Variants in SCAND3 observed in about 807,000 individuals in gnomAD.
SCAND3 encodes the protein SCAN domain containing 3, also known as SCAN domain-containing protein 3.
At chr6:28,598,110 C>G in the SCAND3 span, 1 of 152,154 alleles carries the variant, frequency 6.6e-6, no homozygotes, top group Non-Finnish European at 1.5e-5. Context: ...CTTACAGGGT[C>G]GGGTGGGGCA....
chr6:28,575,811 T>C, the SCAND3 span: 1 of 1,613,988 alleles, frequency 6.2e-7, no homozygotes, highest in East Asian at 2.2e-5. The surrounding 1 kb of genome is among the most constrained non-coding windows in gnomAD (Gnocchi z 4.2). Context: ...AGTAATACCG[T>C]ATTTTATCTG....
the SCAND3 span, chr6:28,571,800 T>G: frequency 4.3e-6 from 6 of 1,379,630 alleles, no homozygotes; most frequent in Non-Finnish European, 5.7e-6. Flanking sequence ...CTTCTCATAC[T>G]TCCATAACTG....
At chr6:28,598,888 AAAAAAAGAAAAAAG>A in the SCAND3 span, among the ~76,000 whole-genome samples, 1 of 149,190 alleles carries the variant, frequency 6.7e-6, no homozygotes, top group African/African-American at 2.4e-5. Context: ...AAAAAAAAAA[AAAAAAAGAAAAAAG>A]AAAAAAAGTA....
At chr6:28,579,958 C>T in the SCAND3 span, among the ~76,000 whole-genome samples, 1 of 152,170 alleles carries the variant, frequency 6.6e-6, no homozygotes, top group Non-Finnish European at 1.5e-5. This position sits in a 1 kb window ranked among gnomAD's most constrained non-coding sequence, Gnocchi z 4.5. Flanking sequence ...TTAATGGTTA[C>T]ACTTACGCTA....
At chr6:28,606,386 G>A in the SCAND3 span, among the ~76,000 whole-genome samples, 2 of 152,068 alleles carry the variant, frequency 1.3e-5, no homozygotes, top group African/African-American at 4.8e-5. Flanking sequence ...TAAAATATGA[G>A]AAGCTTCCCC....
At chr6:28,579,492 C>T in the SCAND3 span, 12 of 1,314,010 alleles carry the variant, frequency 9.1e-6, no homozygotes, top group Admixed American at 1.5e-4. The surrounding 1 kb of genome is among the most constrained non-coding windows in gnomAD (Gnocchi z 4.5). Context: ...TTGTATTCTT[C>T]CACTAAAATA....
chr6:28,595,873 G>A, the SCAND3 span, among the ~76,000 whole-genome samples: 10 of 152,184 alleles, frequency 6.6e-5, no homozygotes, highest in South Asian at 2.1e-4. Context: ...CCACTGCCCC[G>A]CCACTGAGGT....
the SCAND3 span, chr6:28,589,879 T>C: frequency 6.8e-6 from 1 of 147,142 alleles, no homozygotes; most frequent in Non-Finnish European, 1.5e-5. Flanking sequence ...TTTTTCGCTG[T>C]GGACCTTGCG....
chr6:28,577,971 T>A, the SCAND3 span, among the ~76,000 whole-genome samples: 3 of 152,104 alleles, frequency 2.0e-5, no homozygotes, highest in Non-Finnish European at 2.9e-5. Flanking sequence ...TCCCTTCTTT[T>A]AAAAAAACTT....
At chr6:28,607,145 T>C in the SCAND3 span, among the ~76,000 whole-genome samples, 10 of 152,336 alleles carry the variant, frequency 6.6e-5, no homozygotes, top group Middle Eastern at 3.4e-3. Flanking sequence ...CAAAGCAACC[T>C]GTCTGTGGTT....
At chr6:28,588,455 A>G in the SCAND3 span, among the ~76,000 whole-genome samples, 1 of 152,214 alleles carries the variant, frequency 6.6e-6, no homozygotes, top group East Asian at 1.9e-4. The surrounding 1 kb of genome is among the most constrained non-coding windows in gnomAD (Gnocchi z 4.1). Context: ...GTTAATTACT[A>G]CAACAGTGAT....
At chr6:28,573,573 TTTCATTGC>T in the SCAND3 span, 1 of 1,613,304 alleles carries the variant, frequency 6.2e-7, no homozygotes, top group Non-Finnish European at 8.5e-7. Flanking sequence ...GTTTTGATGG[TTTCATTGC>T]TTCATTAGCC....
the SCAND3 span, among the ~76,000 whole-genome samples, chr6:28,577,815 C>T: frequency 6.6e-6 from 1 of 152,146 alleles, no homozygotes; most frequent in African/African-American, 2.4e-5. Context: ...AAAGCTTTGC[C>T]TCCTTAACCA....
At chr6:28,580,335 T>C in the SCAND3 span, among the ~76,000 whole-genome samples, 3 of 151,880 alleles carry the variant, frequency 2.0e-5, no homozygotes, top group Non-Finnish European at 4.4e-5. Context: ...ACGCCTGTAG[T>C]CCCAGCTACT....
the SCAND3 span, among the ~76,000 whole-genome samples, chr6:28,595,353 A>AAAAG: frequency 2.8e-4 from 40 of 144,750 alleles, no homozygotes; most frequent in Admixed American, 2.0e-3. Flanking sequence ...AAAAAAAAAA[A>AAAAG]AAGAAGAAGA....
At chr6:28,608,514 T>A in the SCAND3 span, among the ~76,000 whole-genome samples, 1 of 151,820 alleles carries the variant, frequency 6.6e-6, no homozygotes. Flanking sequence ...CACAAAAAAG[T>A]ATCCCACGAC....
At chr6:28,609,475 A>G in the SCAND3 span, among the ~76,000 whole-genome samples, 3 of 152,238 alleles carry the variant, frequency 2.0e-5, no homozygotes, top group Non-Finnish European at 4.4e-5. Flanking sequence ...TTCAGGATAA[A>G]CATATAGTTG....
At chr6:28,605,814 C>A in the SCAND3 span, among the ~76,000 whole-genome samples, 1 of 152,062 alleles carries the variant, frequency 6.6e-6, no homozygotes, top group Non-Finnish European at 1.5e-5. Flanking sequence ...CCATTGCACT[C>A]CAGCTGGGCA....
chr6:28,571,960 G>A, the SCAND3 span: 1 of 1,613,716 alleles, frequency 6.2e-7, no homozygotes, highest in Non-Finnish European at 8.5e-7. Context: ...GTCTAATCTA[G>A]GTTGGATTGA....
Sources: allele counts gnomAD v4.1 joint callset (sites outside exome capture counted in the v4.1 genomes callset), GRCh38; gene constraint gnomAD v4.1.1; non-coding constraint Gnocchi (gnomAD v3.1); transcripts MANE v1.5; gene names NCBI Gene and HGNC (gene_info 2026-07-23, HGNC 2026-07-21).